The following LINGO1 variants were observed in gnomAD, a reference collection of about 807,000 sequenced individuals.
The protein encoded by LINGO1 is leucine rich repeat and Ig domain containing 1.
A neutral mutation model predicts 37.3 loss-of-function variants in LINGO1; 11 were observed. The ratio of observed to expected loss-of-function variants is 0.29; its 90% CI spans 0.19 to 0.49. LINGO1 has a LOEUF of 0.49. Among genes scored for constraint, LINGO1 ranks in the 20% least tolerant of loss-of-function variants. LINGO1 has a pLI of 0.99. For synonymous variants in LINGO1, 387 were observed against 403.0 expected (o/e 0.96, Z 0.48); for missense variants, 585 against 878.2 (o/e 0.67, Z 4.22).
chr15:77,627,370 T>G (rs180993709), intron 1 of LINGO1, among the ~76,000 whole-genome samples: 1 of 152,224 alleles, frequency 6.6e-6, no homozygotes, highest in Non-Finnish European at 1.5e-5. Flanking sequence ...AGCACCCAGC[T>G]TCTCAGACCC....
At chr15:77,735,674 C>T (rs955091675) in intron 1 of LINGO1, among the ~76,000 whole-genome samples, 4 of 152,174 alleles carry the variant, frequency 2.6e-5, no homozygotes, top group African/African-American at 9.7e-5. Context: ...AGTTTCTGAC[C>T]AGTAGGTCCT....
rs556942054 is a variant in LINGO1 at position 77,614,013 on chromosome 15, C to T, written c.*31G>A. On this transcript the variant is annotated 3_prime_UTR_variant, in exon 2 of 2. Coordinates refer to ENST00000355300, the MANE Select transcript of LINGO1 (RefSeq NM_032808.7). ...GGCCAGGCCCCTTCCCCTGCCCGGC[C>T]GCCCGGGGGTCCCTGCCCCCCGCCC... The T allele has an allele frequency of 2.0e-4, 303 of 1,531,482 alleles. No individual in the cohort carries two copies. The highest frequency in any genetic ancestry group is 5.0e-4 in the South Asian group (41 of 82,050). 94.9% of individuals were successfully genotyped at this position (1,531,482 alleles called of 1,614,324 possible).
chr15:77,719,790 TCA>T lies in LINGO1; in HGVS notation c.-195+15200_-195+15201del, dbSNP rs555595774. The stretch of plus-strand genomic sequence containing the variant: ...CACTCACACATACACAAACTCACAT[TCA>T]CACACACACGCACACTCACACGCTT... On this transcript the variant is annotated intron_variant, in intron 2 of 3. Coordinates refer to the LINGO1 transcript ENST00000561686. Among the ~76,000 whole-genome samples the T allele has an allele frequency of 1.6e-3, 170 of 104,200 alleles. 2 individuals are homozygous for T. The highest frequency in any genetic ancestry group is 4.7e-3 in the African/African-American group (163 of 34,558). The allele number at this position is 104,200 out of a possible 152,430, so 68.4% of individuals were successfully genotyped here.
chr15:77,671,544 C>T (rs964746328), intron 3 of LINGO1, among the ~76,000 whole-genome samples: 3 of 152,196 alleles, frequency 2.0e-5, no homozygotes, highest in African/African-American at 7.2e-5. Flanking sequence ...TGAAGCTAGG[C>T]AGGGAGGAAG....
chr15:77,667,799 TC>T (rs1398115444), intron 3 of LINGO1: 2 of 152,160 alleles, frequency 1.3e-5, no homozygotes, highest in African/African-American at 4.8e-5. Context: ...CCTAGGGTCA[TC>T]TCTCCAGGAC....
intron 1 of LINGO1, among the ~76,000 whole-genome samples, chr15:77,738,747 T>TGAAGGAAG (rs1166793124): frequency 0.018 from 1,963 of 110,652 alleles, 34 homozygotes; most frequent in East Asian, 0.026. Flanking sequence ...ACATATTTGC[T>TGAAGGAAG]GAAGGAAGGA....
rs1555527601 is a variant in LINGO1 at position 77,664,174 on chromosome 15, C to CGCGCGCGT, written c.-13+12914_-13+12915insACGCGCGC. ...GTGTGTGTGTGTGTGTGTGTGTGCGCGCGCGCATGCGTTTGCATTCTCAGC... is the reference window on the plus strand; with the variant it reads ...GTGTGTGTGTGTGTGTGTGTGTGCGCGCGCGCGTGCGCGCATGCGTTTGCATTCTCAGC... On this transcript the variant is annotated intron_variant, in intron 3 of 3. Coordinates refer to the LINGO1 transcript ENST00000559893. Among the ~76,000 whole-genome samples the CGCGCGCGT allele has an allele frequency of 6.2e-3, 623 of 100,404 alleles. 7 individuals carry two copies. Among genetic ancestry groups the CGCGCGCGT allele is most frequent in the African/African-American group, 0.021 (577 of 27,222 alleles). The allele number at this position is 100,404 out of a possible 152,430, so 65.9% of individuals were successfully genotyped here. A position where few individuals can be genotyped will look rare whatever the true frequency, so the allele number is the denominator to read the frequency against.
chr15:77,634,167 ACAT>A, upstream of LINGO1: 1 of 442,342 alleles, frequency 2.3e-6, no homozygotes, highest in Middle Eastern at 3.3e-4. Flanking sequence ...AGCCTGCGCA[ACAT>A]CATTGCAGAG....
chr15:77,798,851 C>T (rs1425575474), intron 1 of LINGO1, among the ~76,000 whole-genome samples: 3 of 152,214 alleles, frequency 2.0e-5, no homozygotes, highest in African/African-American at 4.8e-5. Flanking sequence ...TCCACAGAAA[C>T]AGCTCTTCAA....
At chr15:77,742,155 C>T (rs2076270952) in intron 1 of LINGO1, among the ~76,000 whole-genome samples, 1 of 152,206 alleles carries the variant, frequency 6.6e-6, no homozygotes, top group Non-Finnish European at 1.5e-5. Flanking sequence ...CTGACTGAGC[C>T]CCACAAGCCT....
chr15:77,718,379 T>A (rs1357047144), intron 2 of LINGO1, among the ~76,000 whole-genome samples: 1 of 150,922 alleles, frequency 6.6e-6, no homozygotes, highest in Non-Finnish European at 1.5e-5. Context: ...TGGCTGTGCA[T>A]GTGATATGCA....
chr15:77,686,830 C>T, intron 2 of LINGO1, among the ~76,000 whole-genome samples: 1 of 152,196 alleles, frequency 6.6e-6, no homozygotes, highest in East Asian at 1.9e-4. Flanking sequence ...GGGCCTCCCC[C>T]ACCTCAGCTC....
At chr15:77,653,074 C>T (rs79049658) in intron 3 of LINGO1, among the ~76,000 whole-genome samples, 9,720 of 152,232 alleles carry the variant, frequency 0.064, 1,037 homozygotes, top group African/African-American at 0.22. Flanking sequence ...GGTGGGGACA[C>T]GGACATAGGC....
intron 1 of LINGO1, among the ~76,000 whole-genome samples, chr15:77,763,235 G>A (rs936226890): frequency 6.6e-6 from 1 of 152,144 alleles, no homozygotes; most frequent in East Asian, 1.9e-4. Flanking sequence ...ATACTGCCAC[G>A]CCAGGCTTGC....
At chr15:77,681,049 G>C (rs61521110) in intron 2 of LINGO1, among the ~76,000 whole-genome samples, 29,966 of 151,926 alleles carry the variant, frequency 0.2, 3,072 homozygotes, top group Middle Eastern at 0.28. Context: ...GTAAGACTTG[G>C]CTGCAGTGGA....
intron 1 of LINGO1, among the ~76,000 whole-genome samples, chr15:77,618,166 G>A (rs1467353709): frequency 1.3e-5 from 2 of 152,234 alleles, no homozygotes; most frequent in Admixed American, 1.3e-4. Flanking sequence ...CCAGGCTGGC[G>A]GGTGGGGGGA....
intron 3 of LINGO1, among the ~76,000 whole-genome samples, chr15:77,674,110 T>C (rs1053731837): frequency 5.9e-5 from 9 of 152,100 alleles, no homozygotes; most frequent in African/African-American, 2.2e-4. Flanking sequence ...TCTCCATCTA[T>C]GGCAACCCCA....
chr15:77,770,728 T>C (rs577530206), intron 1 of LINGO1, among the ~76,000 whole-genome samples: 3 of 151,416 alleles, frequency 2.0e-5, no homozygotes, highest in African/African-American at 7.3e-5. Flanking sequence ...ACACAATGCA[T>C]CCTCCTCACT....
At chr15:77,774,549 C>A (rs796820675) in intron 1 of LINGO1, among the ~76,000 whole-genome samples, 9 of 152,254 alleles carry the variant, frequency 5.9e-5, no homozygotes, top group African/African-American at 2.2e-4. Flanking sequence ...ACACTTAGTG[C>A]ACACACACAA....
Sources: gnomAD v4.1 joint callset for allele counts (sites outside exome capture counted in the v4.1 genomes callset) on GRCh38, gnomAD v4.1.1 for gene constraint, MANE v1.5 for transcripts, NCBI Gene and HGNC (gene_info 2026-07-23, HGNC 2026-07-21) for gene names.